CNTN4: variants seen among roughly 807,000 people sequenced by gnomAD.
CNTN4 encodes the protein contactin-4.
In CNTN4, 77 loss-of-function variants were observed where a neutral mutation model predicts 122.5. The ratio of observed to expected loss-of-function variants is 0.63; its 90% CI spans 0.52 to 0.76. CNTN4 has a LOEUF of 0.76. Among genes scored for constraint, CNTN4 ranks in the 30% least tolerant of loss-of-function variants. The pLI, the probability that CNTN4 is intolerant of heterozygous loss-of-function variation, is 0.00. For synonymous variants in CNTN4, 512 were observed against 447.0 expected (o/e 1.15, Z -1.83); for missense variants, 1,256 against 1,259.1 (o/e 1.00, Z 0.04).
At chr3:2,149,157 T>G (rs1009867260) in intron 2 of CNTN4, among the ~76,000 whole-genome samples, 2 of 152,144 alleles carry the variant, frequency 1.3e-5, no homozygotes, top group African/African-American at 2.4e-5. Flanking sequence ...GGGTCAGCTA[T>G]TAGGTTATTA....
At chr3:2,361,033 G>A (rs2045113331) in intron 3 of CNTN4, among the ~76,000 whole-genome samples, 1 of 152,092 alleles carries the variant, frequency 6.6e-6, no homozygotes, top group South Asian at 2.1e-4. Flanking sequence ...ACAATGTATT[G>A]TTGCTTTTCT....
At chr3:2,426,129 C>T (rs1214306024) in intron 3 of CNTN4, among the ~76,000 whole-genome samples, 1 of 152,164 alleles carries the variant, frequency 6.6e-6, no homozygotes, top group East Asian at 1.9e-4. Context: ...TGAGAGAGGG[C>T]ATCCCTGTCT....
At chr3:2,838,212 C>A (rs779313622) in intron 7 of CNTN4, among the ~76,000 whole-genome samples, 1 of 152,076 alleles carries the variant, frequency 6.6e-6, no homozygotes, top group Non-Finnish European at 1.5e-5. Context: ...AGCTTTCGTG[C>A]GGCTATACTG....
intron 3 of CNTN4, among the ~76,000 whole-genome samples, chr3:2,550,066 T>C (rs1020563780): frequency 6.6e-6 from 1 of 152,200 alleles, no homozygotes; most frequent in East Asian, 1.9e-4. Flanking sequence ...CATTTTTTAT[T>C]GTGCCTATTT....
At chr3:2,553,788 A>G (rs2078611002) in intron 3 of CNTN4, among the ~76,000 whole-genome samples, 1 of 152,168 alleles carries the variant, frequency 6.6e-6, no homozygotes, top group African/African-American at 2.4e-5. Context: ...TATTAACTGA[A>G]TTATTTCTTT....
At chr3:2,386,120 C>T (rs2150829354) in intron 3 of CNTN4, among the ~76,000 whole-genome samples, 2 of 152,020 alleles carry the variant, frequency 1.3e-5, no homozygotes, top group South Asian at 2.1e-4. Context: ...CAAGTAAGGG[C>T]CTATATATTA....
At chr3:2,512,548 G>A (rs184335338) in intron 3 of CNTN4, among the ~76,000 whole-genome samples, 8 of 152,264 alleles carry the variant, frequency 5.3e-5, no homozygotes, top group Non-Finnish European at 1.0e-4. Context: ...ATTAAAGATT[G>A]TTATCACTGT....
At chr3:2,316,130 T>G (rs2043089679) in intron 2 of CNTN4, among the ~76,000 whole-genome samples, 1 of 152,108 alleles carries the variant, frequency 6.6e-6, no homozygotes, top group South Asian at 2.1e-4. Context: ...AGGTTCTATT[T>G]TTATATCATA....
At chr3:2,217,712 G>T (rs557667715) in intron 2 of CNTN4, among the ~76,000 whole-genome samples, 1 of 152,138 alleles carries the variant, frequency 6.6e-6, no homozygotes, top group East Asian at 1.9e-4. Flanking sequence ...TCTTTAACAA[G>T]GGATTTCTGA....
At chr3:2,943,063 A>G (rs1043930760) in intron 13 of CNTN4, among the ~76,000 whole-genome samples, 7 of 152,196 alleles carry the variant, frequency 4.6e-5, no homozygotes, top group African/African-American at 1.7e-4. Flanking sequence ...TCCCCAATCT[A>G]GATGAGGTGT....
At chr3:2,181,714 A>T (rs1380949771) in intron 2 of CNTN4, among the ~76,000 whole-genome samples, 1 of 152,128 alleles carries the variant, frequency 6.6e-6, no homozygotes, top group Non-Finnish European at 1.5e-5. Context: ...TTCTGTTTTC[A>T]ACTACCATAT....
At chr3:2,203,592 T>G (rs1282327266) in intron 2 of CNTN4, among the ~76,000 whole-genome samples, 2 of 152,202 alleles carry the variant, frequency 1.3e-5, no homozygotes, top group East Asian at 3.9e-4. Context: ...TCTAAGTTAA[T>G]TAGAGAAAAT....
intron 2 of CNTN4, among the ~76,000 whole-genome samples, chr3:2,138,462 G>A (rs988108835): frequency 1.3e-5 from 2 of 152,142 alleles, no homozygotes; most frequent in Admixed American, 6.5e-5. Context: ...CAACTTGACT[G>A]TATCATGGGG....
At chr3:2,756,054 G>T (rs556717166) in intron 6 of CNTN4, among the ~76,000 whole-genome samples, 1 of 152,140 alleles carries the variant, frequency 6.6e-6, no homozygotes, top group African/African-American at 2.4e-5. Context: ...CTGAATGATT[G>T]AAAATGTCAC....
Position 2,383,631 on chromosome 3 carries a change from C to T in CNTN4, c.-89+44398C>T, listed in dbSNP as rs531725448. ...TTCTGCTCCCTCTCCCTCTCTCCCCCTCTCCCTCTCCGCCACTCTCTCTTC... is the reference window on the plus strand; with the variant it reads ...TTCTGCTCCCTCTCCCTCTCTCCCCTTCTCCCTCTCCGCCACTCTCTCTTC... On this transcript the variant is annotated intron_variant, in intron 3 of 24. Transcript: ENST00000418658. Among the ~76,000 whole-genome samples, 793 of 151,246 alleles carry T rather than the reference C, an allele frequency of 5.2e-3. 3 individuals carry two copies. The highest frequency in any genetic ancestry group is 8.0e-3 in the Non-Finnish European group (540 of 67,804).
At chr3:2,582,451 A>G (rs960559704) in intron 4 of CNTN4, among the ~76,000 whole-genome samples, 3 of 149,824 alleles carry the variant, frequency 2.0e-5, no homozygotes, top group Non-Finnish European at 3.0e-5. Flanking sequence ...TGTGTGTTTT[A>G]TAGTCATGGA....
At chr3:2,486,973 G>A (rs541296545) in intron 3 of CNTN4, among the ~76,000 whole-genome samples, 90 of 152,088 alleles carry the variant, frequency 5.9e-4, no homozygotes, top group African/African-American at 2.1e-3. Context: ...TAAGTTAGGC[G>A]ATCCTTTCTT....
chr3:2,189,440 C>G (rs1470335566), intron 2 of CNTN4, among the ~76,000 whole-genome samples: 1 of 152,098 alleles, frequency 6.6e-6, no homozygotes, highest in African/African-American at 2.4e-5. Context: ...ATAACAGGCA[C>G]AACAGATTGA....
At chr3:2,909,275 C>A (rs1330120781) in intron 12 of CNTN4, among the ~76,000 whole-genome samples, 2 of 152,122 alleles carry the variant, frequency 1.3e-5, no homozygotes, top group African/African-American at 4.8e-5. Flanking sequence ...CTCTCAAAAG[C>A]AAATTTGGTG....
Sources: gnomAD v4.1 joint callset for allele counts (sites outside exome capture counted in the v4.1 genomes callset) on GRCh38, gnomAD v4.1.1 for gene constraint, MANE v1.5 for transcripts, NCBI Gene and HGNC (gene_info 2026-07-23, HGNC 2026-07-21) for gene names.